Variants in TRIO observed in about 807,000 individuals in gnomAD.
The protein encoded by TRIO is trio Rho guanine nucleotide exchange factor, also known as triple functional domain protein.
Under a neutral mutation model 351.9 loss-of-function variants are expected in TRIO, and 58 were observed. The ratio of observed to expected loss-of-function variants is 0.16; its 90% CI spans 0.13 to 0.21. The LOEUF (loss-of-function observed/expected upper bound fraction) is 0.21, where lower values mean the gene tolerates loss of function less well. TRIO is among the 10% of genes least tolerant of loss of function. The pLI is 1.00. For missense variants in TRIO, 3,201 were observed against 4,027.8 expected (o/e 0.79, Z 5.56); for synonymous variants, 1,758 against 1,595.7 (o/e 1.10, Z -2.42).
intron 1 of TRIO, among the ~76,000 whole-genome samples, chr5:14,184,524 T>C (rs1435283941): frequency 6.6e-6 from 1 of 152,278 alleles, no homozygotes; most frequent in African/African-American, 2.4e-5. Flanking sequence ...ATTTTCTTTA[T>C]ATTAGCCTCT....
At position 14,308,701 on chromosome 5, in the gene TRIO, C is replaced by G. The variant is rs78699751; in HGVS notation, c.1500+4109C>G. ...TCCATCCATTCATTCTCCTAATCAC[C>G]CAACCACCCATTCATTTGTCCATCC... On this transcript the variant is annotated intron_variant, in intron 8 of 56. Coordinates refer to ENST00000344204, the MANE Select transcript of TRIO (RefSeq NM_007118.4). Among the ~76,000 whole-genome samples, 1,030 of 118,068 alleles carry G rather than the reference C, an allele frequency of 8.7e-3. 17 individuals are homozygous for G. Among genetic ancestry groups the G allele is most frequent in the African/African-American group, 0.049 (990 of 20,382 alleles). 77.5% of individuals were successfully genotyped at this position (118,068 alleles called of 152,430 possible).
At chr5:14,503,877 G>A (rs567950729) in intron 54 of TRIO, among the ~76,000 whole-genome samples, 43 of 152,336 alleles carry the variant, frequency 2.8e-4, no homozygotes, top group Non-Finnish European at 4.0e-4. Flanking sequence ...CGTCCAGATC[G>A]CGTTGAGTTG....
At chr5:14,180,603 G>A (rs528346238) in intron 1 of TRIO, among the ~76,000 whole-genome samples, 1 of 152,198 alleles carries the variant, frequency 6.6e-6, no homozygotes, top group Non-Finnish European at 1.5e-5. Flanking sequence ...AGAGGCCGAG[G>A]TGGGAAGATC....
chr5:14,307,159 C>T (rs1248680849), intron 8 of TRIO, among the ~76,000 whole-genome samples: 2 of 152,168 alleles, frequency 1.3e-5, no homozygotes, highest in East Asian at 1.9e-4. Context: ...CACATTGCCT[C>T]GACCCAGATT....
chr5:14,302,054 T>G (rs1266705368), intron 7 of TRIO, among the ~76,000 whole-genome samples: 1 of 152,206 alleles, frequency 6.6e-6, no homozygotes, highest in Admixed American at 6.5e-5. Flanking sequence ...AGAAGTATAA[T>G]CAGTGCCCTC....
At chr5:14,506,070 G>C (rs1430201233) in intron 55 of TRIO, among the ~76,000 whole-genome samples, 1 of 152,200 alleles carries the variant, frequency 6.6e-6, no homozygotes, top group Non-Finnish European at 1.5e-5. Context: ...GCCGAGGCCT[G>C]GCCTGGGAGC....
chr5:14,478,003 G>A (rs1755218650), intron 41 of TRIO, among the ~76,000 whole-genome samples: 1 of 152,032 alleles, frequency 6.6e-6, no homozygotes, highest in Non-Finnish European at 1.5e-5. Flanking sequence ...GGCTTATTTT[G>A]TTCATGTTCA....
chr5:14,455,904 C>A (rs536860759), intron 34 of TRIO, among the ~76,000 whole-genome samples: 1 of 152,270 alleles, frequency 6.6e-6, no homozygotes, highest in Non-Finnish European at 1.5e-5. Context: ...CACTCCTCAG[C>A]CCTTGGGCAG....
At chr5:14,489,104 T>G (rs749375298) in intron 48 of TRIO, 2 of 751,710 alleles carry the variant, frequency 2.7e-6, no homozygotes, top group Non-Finnish European at 4.9e-6. Context: ...GAGTGTATGT[T>G]TGAACGCTTT....
intron 24 of TRIO, 78 bp downstream of exon 24, chr5:14,388,757 G>A (rs1188434704): frequency 2.7e-6 from 4 of 1,456,786 alleles, no homozygotes; most frequent in South Asian, 1.3e-5. Flanking sequence ...CTTACCTGTT[G>A]GTAGTCCTTA....
rs202099280 is a variant in TRIO at position 14,359,474 on chromosome 5, C to T, written c.2334C>T (p.Arg778=). 6.2e-7 allele frequency: 1 copy of T among 1,614,274 alleles called. No individual in the cohort carries two copies. The highest frequency in any genetic ancestry group is 2.2e-5 in the East Asian group (1 of 44,892). The part of the protein sequence containing the change: ...QSQMEELFQE[R]KIKLELFLQL... ...AGATGGAGGAGCTCTTCCAGGAGCG[C>T]AAGATCAAGCTGGAGCTCTTCCTGC... Residue 778 remains arginine (R), a synonymous_variant, in exon 13 of 57, where the codon CGC becomes CGT. Transcript: ENST00000344204.
chr5:14,470,885 T>C (rs1002346900), intron 37 of TRIO, among the ~76,000 whole-genome samples: 2 of 152,184 alleles, frequency 1.3e-5, no homozygotes, highest in African/African-American at 2.4e-5. Context: ...CAACAGGGAA[T>C]GCAGGTACCA....
At chr5:14,187,807 A>T (rs1211631960) in intron 1 of TRIO, among the ~76,000 whole-genome samples, 2 of 152,068 alleles carry the variant, frequency 1.3e-5, no homozygotes, top group Non-Finnish European at 2.9e-5. Context: ...GTATTTGTTT[A>T]CAAAACAATG....
intron 11 of TRIO, among the ~76,000 whole-genome samples, chr5:14,352,440 G>A (rs888485850): frequency 6.6e-6 from 1 of 152,172 alleles, no homozygotes; most frequent in Non-Finnish European, 1.5e-5. Context: ...TTTCCTCTTA[G>A]GAGTTTATGG....
intron 1 of TRIO, among the ~76,000 whole-genome samples, chr5:14,229,775 A>G (rs927025527): frequency 6.6e-6 from 1 of 152,232 alleles, no homozygotes; most frequent in African/African-American, 2.4e-5. Context: ...GCTTTAACTC[A>G]CAAAGAAGAA....
At position 14,491,722 on chromosome 5, in the gene TRIO, T is replaced by A. The variant is rs531695754; in HGVS notation, c.7633-845T>A. ...CACCATATGTTGAGTTCCTGCTGCA[T>A]GTCAGCCCTGTGACTGAAGAGATCG... is the stretch of plus-strand genomic sequence containing the variant. On this transcript the variant is annotated intron_variant, in intron 48 of 56. Transcript: ENST00000344204. Among the ~76,000 whole-genome samples, 25 of 152,316 alleles carry A rather than the reference T, an allele frequency of 1.6e-4. No individual in the cohort carries two copies. The South Asian group carries it at 1.9e-3, about 11-fold the overall frequency.
At chr5:14,196,505 G>A (rs1790780916) in intron 1 of TRIO, among the ~76,000 whole-genome samples, 1 of 150,536 alleles carries the variant, frequency 6.6e-6, no homozygotes. Context: ...CTTGTGTTTT[G>A]CACCTGTCAT....
At chr5:14,473,192 T>A (rs1223766314) in intron 39 of TRIO, among the ~76,000 whole-genome samples, 1 of 152,236 alleles carries the variant, frequency 6.6e-6, no homozygotes, top group Non-Finnish European at 1.5e-5. Flanking sequence ...AGCAAACCAC[T>A]GCCTTTTGTA....
intron 11 of TRIO, among the ~76,000 whole-genome samples, chr5:14,339,524 G>C (rs536484074): frequency 6.6e-6 from 1 of 152,336 alleles, no homozygotes; most frequent in South Asian, 2.1e-4. Flanking sequence ...TTTTAGTGCA[G>C]TCTATGAAAG....
Sources: allele counts gnomAD v4.1 joint callset (sites outside exome capture counted in the v4.1 genomes callset), GRCh38; gene constraint gnomAD v4.1.1; transcripts MANE v1.5; gene names NCBI Gene and HGNC (gene_info 2026-07-23, HGNC 2026-07-21).